The following TRAM2 variants were observed in gnomAD, a reference collection of about 807,000 sequenced individuals.
The protein encoded by TRAM2 is translocating chain-associated membrane protein 2.
TRAM2 carries 12 observed loss-of-function variants against 51.0 expected under a neutral mutation model. The ratio of observed to expected loss-of-function variants is 0.24; its 90% CI spans 0.15 to 0.38. The LOEUF is 0.38. Among genes scored for constraint, TRAM2 ranks in the 10% least tolerant of loss-of-function variants. The probability of loss-of-function intolerance (pLI) is 1.00; values close to 1 mark genes in which losing one functional copy is unlikely to be tolerated. For missense variants in TRAM2, 361 were observed against 462.0 expected (o/e 0.78, Z 2.00); for synonymous variants, 175 against 179.4 (o/e 0.98, Z 0.20).
At chr6:52,519,415 C>T (rs1009596107) in intron 2 of TRAM2, among the ~76,000 whole-genome samples, 2 of 152,114 alleles carry the variant, frequency 1.3e-5, no homozygotes, top group Non-Finnish European at 2.9e-5. Flanking sequence ...AAATCAAAAC[C>T]ACAACAAGGT....
At chr6:52,517,163 G>C (rs899128512) in intron 2 of TRAM2, 2 of 166,504 alleles carry the variant, frequency 1.2e-5, no homozygotes, top group Admixed American at 5.9e-5. Flanking sequence ...AAAGCACCGC[G>C]TAAGGGCTAA....
chr6:52,549,127 C>T (rs1279560383), intron 1 of TRAM2, among the ~76,000 whole-genome samples: 1 of 152,162 alleles, frequency 6.6e-6, no homozygotes, highest in Non-Finnish European at 1.5e-5. Flanking sequence ...GGCTGTCCAC[C>T]GTGTGGTCCA....
intron 1 of TRAM2, among the ~76,000 whole-genome samples, chr6:52,536,197 A>G (rs1187710316): frequency 6.6e-6 from 1 of 152,234 alleles, no homozygotes; most frequent in Non-Finnish European, 1.5e-5. Context: ...ATTGTGGAAG[A>G]CAGAAACTAA....
chr6:52,575,828 TTC>T, intron 1 of TRAM2, among the ~76,000 whole-genome samples: 1 of 152,324 alleles, frequency 6.6e-6, no homozygotes, highest in Non-Finnish European at 1.5e-5. Context: ...CATATCTCAC[TTC>T]TGAGACAAGA....
At chr6:52,558,665 G>A (rs1767450314) in intron 1 of TRAM2, among the ~76,000 whole-genome samples, 1 of 152,192 alleles carries the variant, frequency 6.6e-6, no homozygotes, top group Non-Finnish European at 1.5e-5. Context: ...GTAGCGTGTA[G>A]GTGGAGTAAT....
chr6:52,559,476 C>G (rs1767462027), intron 1 of TRAM2, among the ~76,000 whole-genome samples: 1 of 152,226 alleles, frequency 6.6e-6, no homozygotes, highest in South Asian at 2.1e-4. Context: ...TCTTTCTAAA[C>G]TTCAGTTCAC....
chr6:52,514,394 G>C (rs1429511453), intron 4 of TRAM2, among the ~76,000 whole-genome samples: 1 of 152,104 alleles, frequency 6.6e-6, no homozygotes, highest in Non-Finnish European at 1.5e-5. Flanking sequence ...AGTTGGCGGG[G>C]GTCGGGGGTC....
At chr6:52,503,822 G>A (rs369168907) in intron 10 of TRAM2, among the ~76,000 whole-genome samples, 1 of 152,274 alleles carries the variant, frequency 6.6e-6, no homozygotes, top group East Asian at 1.9e-4. Context: ...ACCTCCGTGC[G>A]CTTGCTCAAA....
At chr6:52,522,984 G>A (rs1295440339) in intron 2 of TRAM2, 2 of 695,116 alleles carry the variant, frequency 2.9e-6, no homozygotes, top group Admixed American at 2.1e-5. Flanking sequence ...CTGAGCTGGT[G>A]TCCACTTCTT....
At chr6:52,571,559 T>C (rs748419355) in intron 1 of TRAM2, among the ~76,000 whole-genome samples, 7 of 152,272 alleles carry the variant, frequency 4.6e-5, no homozygotes, top group East Asian at 1.9e-4. Flanking sequence ...ACAAAGTAAA[T>C]AGTGGCAGCC....
At chr6:52,512,002 C>G (rs1766460460) in intron 4 of TRAM2, among the ~76,000 whole-genome samples, 1 of 152,172 alleles carries the variant, frequency 6.6e-6, no homozygotes. Flanking sequence ...TACACTGCTT[C>G]TATCACCTCT....
At position 52,575,841 on chromosome 6, in the gene TRAM2, T is replaced by C. The variant is rs535510796; in HGVS notation, c.120+955A>G. On this transcript the variant is annotated intron_variant, in intron 1 of 10. Coordinates refer to ENST00000182527, the MANE Select transcript of TRAM2 (RefSeq NM_012288.4). ...CACATATCTCACTTCTGAGACAAGA[T>C]ATACCGCAACAAACCCATGCCAAGC... 5.1e-4 allele frequency among the ~76,000 whole-genome samples: 78 copies of C among 152,334 alleles called. 1 individual carries two copies. Among genetic ancestry groups the C allele is most frequent in the South Asian group, 2.5e-3 (12 of 4,822 alleles).
In TRAM2 at chr6:52,505,588, G is replaced by A; in HGVS notation, c.875+11C>T. 1 of 1,602,238 alleles carries A rather than the reference G, an allele frequency of 6.2e-7. No homozygotes were observed. Among genetic ancestry groups the A allele is most frequent in the Non-Finnish European group, 8.5e-7 (1 of 1,172,474 alleles). ...CCCTGGCTTATCACCTTGGACTTCT[G>A]CTCGACTCACCTGCAAAACAAAGTG... On this transcript the variant is annotated intron_variant, in intron 9 of 10. Coordinates refer to ENST00000182527, the MANE Select transcript of TRAM2 (RefSeq NM_012288.4).
At chr6:52,547,656 A>G (rs1767229410) in intron 1 of TRAM2, among the ~76,000 whole-genome samples, 1 of 152,194 alleles carries the variant, frequency 6.6e-6, no homozygotes, top group South Asian at 2.1e-4. Context: ...TCATTTCTCT[A>G]GAGGGACAGG....
In TRAM2 at chr6:52,540,599, A is replaced by C. The variant is rs766172345; in HGVS notation, c.121-4753T>G. On this transcript the variant is annotated intron_variant, in intron 1 of 10. Transcript: ENST00000182527. ...TCTGTGCCTTAAAAGGTCCTTTAGC[A>C]CCCCAAGTCTTCACTCCATGACCCT... Among the ~76,000 whole-genome samples, 14 of 152,192 alleles carry C rather than the reference A, an allele frequency of 9.2e-5. 1 individual carries two copies. In the South Asian group the frequency reaches 1.0e-3, roughly 11 times the overall value.
chr6:52,540,085 G>C (rs1392399603), intron 1 of TRAM2, among the ~76,000 whole-genome samples: 2 of 151,458 alleles, frequency 1.3e-5, no homozygotes, highest in Admixed American at 6.6e-5. Context: ...TCTAAAAAGT[G>C]CAACTTTCTC....
At chr6:52,533,410 C>T (rs1265393588) in intron 2 of TRAM2, among the ~76,000 whole-genome samples, 1 of 152,170 alleles carries the variant, frequency 6.6e-6, no homozygotes. Context: ...TCCACGTGCC[C>T]CCCAGCACTA....
intron 1 of TRAM2, among the ~76,000 whole-genome samples, chr6:52,537,438 T>C (rs1766994672): frequency 6.6e-6 from 1 of 152,142 alleles, no homozygotes; most frequent in Non-Finnish European, 1.5e-5. Flanking sequence ...TTGGGGAGTT[T>C]TAGCCACTCT....
At chr6:52,533,508 G>GCT in intron 2 of TRAM2, among the ~76,000 whole-genome samples, 3 of 152,314 alleles carry the variant, frequency 2.0e-5, no homozygotes, top group Middle Eastern at 6.8e-3. Flanking sequence ...GGACAGAGAT[G>GCT]CTCTCCAGTC....
Sources: allele counts gnomAD v4.1 joint callset (sites outside exome capture counted in the v4.1 genomes callset), GRCh38; gene constraint gnomAD v4.1.1; transcripts MANE v1.5; gene names NCBI Gene and HGNC (gene_info 2026-07-23, HGNC 2026-07-21).